GALNT13: variants seen among roughly 807,000 people sequenced by gnomAD.
GALNT13 encodes the protein polypeptide N-acetylgalactosaminyltransferase 13.
GALNT13 carries 28 observed loss-of-function variants against 64.2 expected under a neutral mutation model. The ratio of observed to expected loss-of-function variants is 0.44; its 90% CI spans 0.32 to 0.60. The LOEUF (loss-of-function observed/expected upper bound fraction) is 0.60, where lower values mean the gene tolerates loss of function less well. Ranked by LOEUF, GALNT13 falls within the 20% of genes least tolerant of loss-of-function variation. The pLI is 0.05. For missense variants in GALNT13, 577 were observed against 669.8 expected (o/e 0.86, Z 1.53); for synonymous variants, 214 against 224.6 (o/e 0.95, Z 0.42).
At position 154,140,358 on chromosome 2, in the gene GALNT13, A is replaced by T. The variant is rs1226964333; in HGVS notation, c.164A>T (p.Glu55Val). 1.9e-6 allele frequency: 3 copies of T among 1,612,588 alleles called. No individual in the cohort carries two copies. Among genetic ancestry groups the T allele is most frequent in the Non-Finnish European group, 2.5e-6 (3 of 1,179,050 alleles). The change falls in exon 4 of 13, where the codon GAA becomes GTA. Residue 55 changes from glutamate (E) to valine (V), a missense_variant. Physicochemically the swap from Glu to Val is moderately radical, Grantham distance 121. Transcript: ENST00000392825. ...ACAGCTGTTATTTCAAGAAACCAAG[A>T]AGGGCCAGGAGAAATGGGAAAAGCT... ...ALRAVISRNQ[E>V]GPGEMGKAVL...
chr2:154,428,389 C>T (rs1039974911), intron 11 of GALNT13, among the ~76,000 whole-genome samples: 1 of 152,072 alleles, frequency 6.6e-6, no homozygotes, highest in African/African-American at 2.4e-5. Context: ...CTGATGAACT[C>T]GCACAAGAAA....
intron 8 of GALNT13, among the ~76,000 whole-genome samples, chr2:154,275,355 A>T (rs1691584421): frequency 6.6e-6 from 1 of 151,938 alleles, no homozygotes; most frequent in Non-Finnish European, 1.5e-5. Context: ...TAGTTTAGTG[A>T]GTTGAGCCTA....
the GALNT13 span, among the ~76,000 whole-genome samples, chr2:153,667,416 A>C: frequency 3.3e-5 from 5 of 152,232 alleles, no homozygotes; most frequent in Non-Finnish European, 7.3e-5. Context: ...CACAAGGCTA[A>C]CAGAAGGTCT....
rs1689460094 is a variant in GALNT13, at chr2:154,241,078, C to A, written c.312-952C>A. 2.0e-5 allele frequency among the ~76,000 whole-genome samples: 3 copies of A among 152,226 alleles called. No homozygotes were observed. In the South Asian group the frequency reaches 6.2e-4, roughly 32 times the overall value. ...CCTTCCTCCGCTGACTTGCTCCTCT[C>A]CACACCCAGCTGTCTGTTTCATCCA... is the stretch of plus-strand genomic sequence containing the variant. On this transcript the variant is annotated intron_variant, in intron 4 of 12. Coordinates refer to ENST00000392825, the MANE Select transcript of GALNT13 (RefSeq NM_052917.4).
the GALNT13 span, among the ~76,000 whole-genome samples, chr2:153,781,407 G>A: frequency 1.3e-5 from 2 of 152,022 alleles, no homozygotes; most frequent in African/African-American, 2.4e-5. Flanking sequence ...ATACTTTTTG[G>A]TGTCACAGAA....
chr2:153,444,982 A>G, the GALNT13 span, among the ~76,000 whole-genome samples: 1 of 152,112 alleles, frequency 6.6e-6, no homozygotes, highest in Non-Finnish European at 1.5e-5. Flanking sequence ...CTACCAAATT[A>G]TTTTCCAAAA....
the GALNT13 span, among the ~76,000 whole-genome samples, chr2:153,365,506 C>G: frequency 6.6e-6 from 1 of 152,102 alleles, no homozygotes; most frequent in Non-Finnish European, 1.5e-5. Context: ...TGACAAAGGT[C>G]TAACATCCAG....
the GALNT13 span, among the ~76,000 whole-genome samples, chr2:153,629,115 T>A: frequency 3.9e-5 from 6 of 152,292 alleles, no homozygotes; most frequent in African/African-American, 1.2e-4. Flanking sequence ...TTCTTCTAGA[T>A]TCTCTAGTTT....
chr2:153,438,467 CAG>C, the GALNT13 span, among the ~76,000 whole-genome samples: 1 of 152,200 alleles, frequency 6.6e-6, no homozygotes, highest in African/African-American at 2.4e-5. Flanking sequence ...GTACACCAAT[CAG>C]ATGTAGATTT....
At chr2:154,148,180 G>GT (rs1167274539) in intron 4 of GALNT13, among the ~76,000 whole-genome samples, 1 of 151,788 alleles carries the variant, frequency 6.6e-6, no homozygotes, top group Non-Finnish European at 1.5e-5. Context: ...GCAGTGTTTG[G>GT]TTTTTTGTTC....
chr2:153,350,056 G>T, the GALNT13 span, among the ~76,000 whole-genome samples: 1 of 152,150 alleles, frequency 6.6e-6, no homozygotes, highest in African/African-American at 2.4e-5. Context: ...TCTTACCGAG[G>T]TATAGTCCTT....
At chr2:153,475,100 T>A in the GALNT13 span, among the ~76,000 whole-genome samples, 1 of 151,748 alleles carries the variant, frequency 6.6e-6, no homozygotes, top group African/African-American at 2.4e-5. Context: ...AAAGAGGGAG[T>A]GGTGTGGCCC....
At chr2:154,183,202 G>T (rs969307739) in intron 4 of GALNT13, among the ~76,000 whole-genome samples, 4 of 152,062 alleles carry the variant, frequency 2.6e-5, no homozygotes, top group African/African-American at 9.7e-5. Context: ...AATGTTTTTA[G>T]TTGTAATTAG....
At chr2:153,359,574 A>C in the GALNT13 span, among the ~76,000 whole-genome samples, 1 of 143,202 alleles carries the variant, frequency 7.0e-6, no homozygotes, top group African/African-American at 2.5e-5. Context: ...GAGAGAGTGA[A>C]GATGTGAGCA....
intron 2 of GALNT13, among the ~76,000 whole-genome samples, chr2:153,901,591 G>A (rs1045198422): frequency 6.6e-5 from 10 of 151,986 alleles, no homozygotes; most frequent in South Asian, 4.1e-4. Flanking sequence ...TTGTGTTCTC[G>A]TTTTGCTGTC....
chr2:153,195,137 G>T, the GALNT13 span, among the ~76,000 whole-genome samples: 1 of 152,132 alleles, frequency 6.6e-6, no homozygotes, highest in Non-Finnish European at 1.5e-5. Flanking sequence ...GGATGTGTGA[G>T]TTCTTGGGTC....
the GALNT13 span, among the ~76,000 whole-genome samples, chr2:153,551,264 G>T: frequency 1.3e-5 from 2 of 152,162 alleles, no homozygotes; most frequent in Admixed American, 6.6e-5. Context: ...ACACTCCTAC[G>T]TTTGGGCAGC....
At chr2:153,573,123 A>C in the GALNT13 span, among the ~76,000 whole-genome samples, 1 of 151,906 alleles carries the variant, frequency 6.6e-6, no homozygotes, top group Non-Finnish European at 1.5e-5. Context: ...TGAGTGCTCC[A>C]GTGTTGGGTG....
the GALNT13 span, among the ~76,000 whole-genome samples, chr2:153,353,904 C>A: frequency 6.6e-6 from 1 of 152,040 alleles, no homozygotes; most frequent in Non-Finnish European, 1.5e-5. Context: ...TAGGGTAATG[C>A]CTGCCTGACA....
Sources: allele counts gnomAD v4.1 joint callset (sites outside exome capture counted in the v4.1 genomes callset), GRCh38; gene constraint gnomAD v4.1.1; transcripts MANE v1.5; gene names NCBI Gene and HGNC (gene_info 2026-07-23, HGNC 2026-07-21).